Variants in LINGO2 observed in about 807,000 individuals in gnomAD.
LINGO2 encodes the protein leucine-rich repeat and immunoglobulin-like domain-containing nogo receptor-interacting protein 2.
In LINGO2, 14 loss-of-function variants were observed where a neutral mutation model predicts 30.6. The ratio of observed to expected loss-of-function variants is 0.46; its 90% CI spans 0.30 to 0.72. The LOEUF (loss-of-function observed/expected upper bound fraction) is 0.72. Ranked by LOEUF, LINGO2 falls within the 30% of genes least tolerant of loss-of-function variation. The probability of loss-of-function intolerance (pLI) is 0.07; values close to 1 mark genes in which losing one functional copy is unlikely to be tolerated. For synonymous variants in LINGO2, 317 were observed against 288.5 expected (o/e 1.10, Z -1.00); for missense variants, 729 against 751.7 (o/e 0.97, Z 0.35).
chr9:28,154,023 G>T (rs1367975056), intron 4 of LINGO2, among the ~76,000 whole-genome samples: 1 of 152,058 alleles, frequency 6.6e-6, no homozygotes, highest in Non-Finnish European at 1.5e-5. Flanking sequence ...TGCTTAGAAA[G>T]ACTCATCATT....
chr9:28,497,434 C>A (rs1473867650), intron 1 of LINGO2, among the ~76,000 whole-genome samples: 1 of 152,198 alleles, frequency 6.6e-6, no homozygotes, highest in East Asian at 1.9e-4. Flanking sequence ...GATACCCTTT[C>A]TTCCAGTTGA....
chr9:29,152,109 A>G, the LINGO2 span, among the ~76,000 whole-genome samples: 4 of 152,132 alleles, frequency 2.6e-5, no homozygotes, highest in Admixed American at 2.0e-4. Context: ...CCAAACCACA[A>G]TGAAATACCA....
intron 5 of LINGO2, among the ~76,000 whole-genome samples, chr9:27,972,153 G>C (rs528986364): frequency 2.0e-5 from 3 of 152,280 alleles, no homozygotes; most frequent in Admixed American, 6.5e-5. Context: ...GTAAAAGAAA[G>C]AGGAGGAAGT....
chr9:27,972,034 T>G (rs191780829), intron 5 of LINGO2, among the ~76,000 whole-genome samples: 2 of 152,268 alleles, frequency 1.3e-5, no homozygotes, highest in Non-Finnish European at 2.9e-5. Context: ...TCTTCTTTGA[T>G]CCTTTCCCTA....
At chr9:28,067,268 G>T (rs1169027366) in intron 4 of LINGO2, among the ~76,000 whole-genome samples, 3 of 151,964 alleles carry the variant, frequency 2.0e-5, no homozygotes, top group Non-Finnish European at 4.4e-5. Context: ...TTACCAAGAG[G>T]TAATAGTTAA....
chr9:28,901,945 T>A, the LINGO2 span, among the ~76,000 whole-genome samples: 1 of 152,172 alleles, frequency 6.6e-6, no homozygotes, highest in African/African-American at 2.4e-5. Flanking sequence ...AATCCAGTAT[T>A]TTGGGAGGCC....
At chr9:29,213,380 T>G in the LINGO2 span, among the ~76,000 whole-genome samples, 1 of 152,044 alleles carries the variant, frequency 6.6e-6, no homozygotes, top group Non-Finnish European at 1.5e-5. Context: ...GAAGAGCCAC[T>G]CCAAGGCACA....
intron 1 of LINGO2, among the ~76,000 whole-genome samples, chr9:28,580,276 A>T (rs1472351869): frequency 6.6e-6 from 1 of 152,056 alleles, no homozygotes; most frequent in Non-Finnish European, 1.5e-5. Context: ...TTTTAGTGTC[A>T]TTAGCTATAA....
the LINGO2 span, among the ~76,000 whole-genome samples, chr9:29,118,950 C>G: frequency 6.6e-6 from 1 of 152,154 alleles, no homozygotes; most frequent in African/African-American, 2.4e-5. Context: ...GTTCTATTAC[C>G]TGACTGCAGC....
At chr9:29,041,742 A>G in the LINGO2 span, among the ~76,000 whole-genome samples, 2 of 152,084 alleles carry the variant, frequency 1.3e-5, no homozygotes, top group Non-Finnish European at 2.9e-5. Context: ...ATCCAGGGAT[A>G]AAAAGTTATT....
chr9:28,149,359 G>A (rs1827916579), intron 4 of LINGO2: 1 of 443,924 alleles, frequency 2.3e-6, no homozygotes, highest in Non-Finnish European at 4.1e-6. Flanking sequence ...TCCACCGTCT[G>A]GGAAGTGAGG....
chr9:28,760,941 T>TACACACACAC, the LINGO2 span, among the ~76,000 whole-genome samples: 66,894 of 107,884 alleles, frequency 0.62, 17,385 homozygotes, highest in Non-Finnish European at 0.69. Context: ...TGTATATATA[T>TACACACACAC]ATATACACAC....
intron 4 of LINGO2, among the ~76,000 whole-genome samples, chr9:28,226,659 G>C (rs1005832780): frequency 1.5e-4 from 12 of 78,480 alleles, no homozygotes; most frequent in African/African-American, 7.7e-4. Context: ...AAGAAAGAAA[G>C]AAAGAAAGAA....
chr9:28,071,116 T>C (rs1056303949), intron 4 of LINGO2, among the ~76,000 whole-genome samples: 19 of 152,184 alleles, frequency 1.2e-4, no homozygotes, highest in African/African-American at 4.6e-4. Context: ...GATGCTGCCT[T>C]ACATGCACTT....
the LINGO2 span, among the ~76,000 whole-genome samples, chr9:28,737,684 C>G: frequency 6.6e-6 from 1 of 152,116 alleles, no homozygotes. Flanking sequence ...TGAAACAAGC[C>G]TACATCTAAA....
intron 4 of LINGO2, among the ~76,000 whole-genome samples, chr9:28,188,757 T>C (rs1399115990): frequency 6.6e-6 from 1 of 152,164 alleles, no homozygotes; most frequent in South Asian, 2.1e-4. Context: ...TATATTCCCA[T>C]AATTAATAAA....
intron 1 of LINGO2, among the ~76,000 whole-genome samples, chr9:28,633,889 T>C (rs1331834124): frequency 2.0e-5 from 3 of 152,170 alleles, no homozygotes; most frequent in Admixed American, 2.0e-4. Flanking sequence ...TGCCTCAAAA[T>C]TTCGATTTTG....
chr9:28,641,275 A>G (rs979498118), intron 1 of LINGO2, among the ~76,000 whole-genome samples: 7 of 152,174 alleles, frequency 4.6e-5, no homozygotes, highest in African/African-American at 1.7e-4. Context: ...TGACCTCATG[A>G]TCTGCTTGCC....
the LINGO2 span, among the ~76,000 whole-genome samples, chr9:28,779,607 G>T: frequency 6.6e-6 from 1 of 152,084 alleles, no homozygotes; most frequent in Admixed American, 6.6e-5. Context: ...CACATTCATG[G>T]TTAGAGGAAA....
Sources: allele counts gnomAD v4.1 joint callset (sites outside exome capture counted in the v4.1 genomes callset), GRCh38; gene constraint gnomAD v4.1.1; transcripts MANE v1.5; gene names NCBI Gene and HGNC (gene_info 2026-07-23, HGNC 2026-07-21).